The following ATRN variants were observed in gnomAD, a reference collection of about 807,000 sequenced individuals.
ATRN encodes attractin.
ATRN carries 54 observed loss-of-function variants against 178.7 expected under a neutral mutation model. The ratio of observed to expected loss-of-function variants is 0.30; its 90% CI spans 0.24 to 0.38. ATRN has a LOEUF of 0.38. Among genes scored for constraint, ATRN ranks in the 10% least tolerant of loss-of-function variants. ATRN has a pLI of 1.00. For synonymous variants in ATRN, 636 were observed against 663.0 expected, an observed-to-expected ratio of 0.96 and a Z score of 0.63; for missense variants, 1,443 against 1,815.1, an observed-to-expected ratio of 0.79 and a Z score of 3.73.
At chr20:3,646,113 A>G (rs1300135732) in intron 28 of ATRN, among the ~76,000 whole-genome samples, 1 of 152,160 alleles carries the variant, frequency 6.6e-6, no homozygotes, top group Non-Finnish European at 1.5e-5. Context: ...GCCCTGTACT[A>G]CTATTATCCC....
chr20:3,650,034 A>C lies in ATRN; in HGVS notation c.*3187A>C, dbSNP rs12930. ...AGGCAACCCCAGATCCCCTGAGCTA[A>C]CCCGGAGGAAAGGCAGTCCTGGACA... On this transcript the variant is annotated 3_prime_UTR_variant, in exon 29 of 29. Coordinates refer to ENST00000262919, the MANE Select transcript of ATRN (RefSeq NM_139321.3). The C allele has an allele frequency of 0.4, 60,153 of 152,108 alleles. 12,638 individuals carry two copies. Among genetic ancestry groups the C allele is most frequent in the African/African-American group, 0.53 (22,055 of 41,448 alleles). 9.4% of individuals were successfully genotyped at this position (152,108 alleles called of 1,614,324 possible).
chr20:3,629,988 C>A (rs1407961924), intron 25 of ATRN, among the ~76,000 whole-genome samples: 2 of 152,116 alleles, frequency 1.3e-5, no homozygotes, highest in African/African-American at 4.8e-5. Flanking sequence ...GATGAAATCA[C>A]TTTCTATTGG....
chr20:3,588,779 G>A (rs2086393686), intron 18 of ATRN, among the ~76,000 whole-genome samples: 1 of 152,058 alleles, frequency 6.6e-6, no homozygotes, highest in Non-Finnish European at 1.5e-5. Context: ...TTTAGATGTT[G>A]ATTGAATTCA....
rs368394749 is a variant in ATRN at position 3,630,916 on chromosome 20, CTTTTTTTTTTTTTT to C, written c.3864-3360_3864-3347del. Among the ~76,000 whole-genome samples the C allele has an allele frequency of 3.0e-4, 13 of 43,456 alleles. 1 individual carries two copies. Among genetic ancestry groups the C allele is most frequent in the African/African-American group, 5.9e-4 (6 of 10,156 alleles). The allele number at this position is 43,456 out of a possible 152,430, so 28.5% of individuals were successfully genotyped here. Reference sequence around the variant, plus strand: ...ACCATGTCTAAAAGAATTTATTTAGCTTTTTTTTTTTTTTTTTTTTTTTTTTTTTTTTTTTTTTT... The same window carrying C: ...ACCATGTCTAAAAGAATTTATTTAGCTTTTTTTTTTTTTTTTTTTTTTTTT... On this transcript the variant is annotated intron_variant, in intron 25 of 28. Coordinates refer to ENST00000262919, the MANE Select transcript of ATRN (RefSeq NM_139321.3).
chr20:3,633,443 C>T (rs921987003), intron 25 of ATRN, among the ~76,000 whole-genome samples: 1 of 152,164 alleles, frequency 6.6e-6, no homozygotes, highest in African/African-American at 2.4e-5. Flanking sequence ...ATGAAGCTGA[C>T]CCCATCCTAC....
At chr20:3,592,557 T>A in intron 19 of ATRN, 1 of 827,602 alleles carries the variant, frequency 1.2e-6, no homozygotes, top group South Asian at 5.5e-5. Flanking sequence ...CCAAAAAACA[T>A]AATGAGTACT....
intron 21 of ATRN, 85 bp from the exon 22 acceptor site, chr20:3,597,820 TA>T: frequency 1.2e-6 from 1 of 813,754 alleles, no homozygotes; most frequent in Non-Finnish European, 2.0e-6. Context: ...TTACTTAATT[TA>T]TAAGAAAAGC....
chr20:3,580,707 C>T (rs1303604371), intron 15 of ATRN, among the ~76,000 whole-genome samples: 1 of 151,976 alleles, frequency 6.6e-6, no homozygotes, highest in Non-Finnish European at 1.5e-5. Context: ...GAGTGAGCTG[C>T]AGGTAAGTTT....
intron 6 of ATRN, among the ~76,000 whole-genome samples, chr20:3,556,525 A>G (rs985215217): frequency 2.0e-5 from 3 of 152,336 alleles, no homozygotes; most frequent in African/African-American, 7.2e-5. Flanking sequence ...CCTGTGGTAC[A>G]TGATGGTCAT....
chr20:3,568,950 G>C (rs1156586564), intron 11 of ATRN, among the ~76,000 whole-genome samples: 1 of 152,112 alleles, frequency 6.6e-6, no homozygotes, highest in Non-Finnish European at 1.5e-5. Flanking sequence ...ATACATCATG[G>C]AAGGGACACT....
At chr20:3,643,306 T>C (rs993997057) in intron 27 of ATRN, among the ~76,000 whole-genome samples, 4 of 152,316 alleles carry the variant, frequency 2.6e-5, no homozygotes, top group Non-Finnish European at 4.4e-5. Context: ...CTGGGACTTC[T>C]GACCTCTAAA....
At chr20:3,522,717 G>A (rs2085312622) in intron 1 of ATRN, among the ~76,000 whole-genome samples, 1 of 152,198 alleles carries the variant, frequency 6.6e-6, no homozygotes, top group African/African-American at 2.4e-5. Flanking sequence ...TCCAGAGGAA[G>A]GAACAGGTGG....
chr20:3,543,410 A>C (rs2085652530), intron 3 of ATRN, among the ~76,000 whole-genome samples: 1 of 152,148 alleles, frequency 6.6e-6, no homozygotes. Flanking sequence ...CAGAGTTCCT[A>C]GAGTTCTGTC....
At chr20:3,639,478 C>G (rs1042932229) in intron 27 of ATRN, among the ~76,000 whole-genome samples, 40 of 152,232 alleles carry the variant, frequency 2.6e-4, no homozygotes, top group Admixed American at 1.4e-3. Flanking sequence ...GTCTCGAACT[C>G]CTGACTTCAA....
chr20:3,530,565 C>G (rs1288103614), intron 1 of ATRN, among the ~76,000 whole-genome samples: 1 of 151,836 alleles, frequency 6.6e-6, no homozygotes, highest in Non-Finnish European at 1.5e-5. Flanking sequence ...CAGGTGTGAG[C>G]CACTACGCCT....
At chr20:3,564,792 G>A (rs1448650109) in intron 10 of ATRN, among the ~76,000 whole-genome samples, 4 of 152,128 alleles carry the variant, frequency 2.6e-5, no homozygotes, top group African/African-American at 7.2e-5. Flanking sequence ...TTGGCTGGGC[G>A]TGGTGGTTCA....
rs1455968297 is a variant in ATRN, at chr20:3,498,113, C to T, written c.410+26596C>T. Among the ~76,000 whole-genome samples the T allele has an allele frequency of 3.3e-5, 5 of 152,046 alleles. No homozygotes were observed. The East Asian group carries it at 9.6e-4, about 29-fold the overall frequency. On this transcript the variant is annotated intron_variant, in intron 1 of 28. Transcript: ENST00000262919. ...TGGATAAATTCCTCGACACATACAC[C>T]CTCCCAAGACTAAACCAGGAAGAAG... is the stretch of plus-strand genomic sequence containing the variant.
chr20:3,554,124 C>G (rs1167807147), intron 6 of ATRN, among the ~76,000 whole-genome samples: 1 of 151,980 alleles, frequency 6.6e-6, no homozygotes, highest in African/African-American at 2.4e-5. Context: ...GACTGACATA[C>G]TTCATGAGCC....
chr20:3,572,875 G>A lies in ATRN; in HGVS notation c.2016G>A (p.Ser672=), dbSNP rs376010006. The A allele has an allele frequency of 1.2e-5, 19 of 1,613,820 alleles. No homozygotes were observed. The highest frequency in any genetic ancestry group is 1.4e-5 in the Non-Finnish European group (17 of 1,179,978). ...PGIRCVWNTG[S]SQCISWALAT... ...TTCGGTGTGTGTGGAACACAGGGTC[G>A]TCTCAGTGTATCTCGTGGGCGCTGG... The change falls in exon 12 of 29, where the codon TCG becomes TCA. Residue 672 remains serine (S), a synonymous_variant. Coordinates refer to ENST00000262919, the MANE Select transcript of ATRN (RefSeq NM_139321.3).
Sources: allele counts gnomAD v4.1 joint callset (sites outside exome capture counted in the v4.1 genomes callset), GRCh38; gene constraint gnomAD v4.1.1; transcripts MANE v1.5; gene names NCBI Gene and HGNC (gene_info 2026-07-23, HGNC 2026-07-21).